The following GPR22 variants were observed in gnomAD, a reference collection of about 807,000 sequenced individuals.
GPR22 encodes G-protein coupled receptor 22.
Under a neutral mutation model 31.0 loss-of-function variants are expected in GPR22, and 13 were observed. That is an observed-to-expected ratio of 0.42 (90% CI 0.27 to 0.67). The LOEUF is 0.67. GPR22 is among the 30% of genes least tolerant of loss of function. The pLI is 0.25. For synonymous variants in GPR22, 191 were observed against 173.4 expected (o/e 1.10, Z -0.80); for missense variants, 368 against 509.6 (o/e 0.72, Z 2.67).
In GPR22 at chr7:107,475,169, C is replaced by G; in HGVS notation, c.1109C>G (p.Thr370Ser). 1 of 1,610,156 alleles carries G rather than the reference C, an allele frequency of 6.2e-7. No individual in the cohort carries two copies. Among genetic ancestry groups the G allele is most frequent in the Non-Finnish European group, 8.5e-7 (1 of 1,177,762 alleles). The change falls in exon 3 of 3, where the codon ACT (threonine) becomes AGT (serine). Residue 370 changes from threonine to serine, a missense_variant. Coordinates refer to ENST00000304402, the MANE Select transcript of GPR22 (RefSeq NM_005295.3). ...TIFHPLLYAF[T>S]RQKFQKVLKS... The stretch of plus-strand genomic sequence containing the variant: ...TTTCACCCTCTATTATATGCATTCA[C>G]TAGACAAAAATTTCAAAAGGTCTTG...
intron 2 of GPR22, 137 bp from the exon 3 acceptor site, chr7:107,473,895 TCTA>T (rs1796806195): frequency 4.1e-6 from 2 of 491,642 alleles, no homozygotes; most frequent in African/African-American, 3.9e-5. Flanking sequence ...GGTTCTTAAT[TCTA>T]CATTTTCTAT....
chr7:107,475,797 A>G (rs1250403717), downstream of GPR22: 1 of 166,558 alleles, frequency 6.0e-6, no homozygotes, highest in African/African-American at 2.4e-5. Context: ...AACCAAAATT[A>G]TGGGCTCAAA....
At position 107,472,304 on chromosome 7, in the gene GPR22, T is replaced by TA. The variant is rs1331096165; in HGVS notation, c.-27+7dup. The TA allele has an allele frequency of 1.3e-5, 2 of 151,940 alleles. No individual in the cohort carries two copies. The highest frequency in any genetic ancestry group is 4.8e-5 in the African/African-American group (2 of 41,400). 9.4% of individuals were successfully genotyped at this position (151,940 alleles called of 1,614,324 possible). ...ACACAGCTACTTCACTGTTGTCAGGTAAAAATTCATGTCAAAATCTGTCAA... is the reference window on the plus strand; with the variant it reads ...ACACAGCTACTTCACTGTTGTCAGGTAAAAAATTCATGTCAAAATCTGTCAA... On this transcript the variant is annotated splice_region_variant and intron_variant, in intron 2 of 2. Coordinates refer to ENST00000304402, the MANE Select transcript of GPR22 (RefSeq NM_005295.3).
chr7:107,474,094 C>A lies in GPR22; in HGVS notation c.34C>A (p.Gln12Lys), dbSNP rs2129111900. 4 of 1,579,978 alleles carry A rather than the reference C, an allele frequency of 2.5e-6. No homozygotes were observed. The East Asian group carries it at 9.0e-5, about 36-fold the overall frequency. ...CFSPILEINM[Q>K]SESNITVRDD... Reference sequence around the variant, plus strand: ...TTCTCCCATTCTGGAAATCAACATGCAGTCTGAATCTAACATTACAGTGCG... The same window carrying A: ...TTCTCCCATTCTGGAAATCAACATGAAGTCTGAATCTAACATTACAGTGCG... The change falls in exon 3 of 3, where the codon CAG (glutamine) becomes AAG (lysine). Residue 12 changes from glutamine (Q) to lysine (K), a missense_variant. Gln to Lys is a moderately conservative substitution (Grantham distance 53). Transcript: ENST00000304402. This position sits in a 1 kb window ranked among gnomAD's most constrained non-coding sequence, Gnocchi z 5.7.
At chr7:107,477,029 T>A (rs1256907369), downstream of GPR22, among the ~76,000 whole-genome samples, 1 of 151,636 alleles carries the variant, frequency 6.6e-6, no homozygotes, top group African/African-American at 2.4e-5. Context: ...TTTTCTACTG[T>A]TTTTTGGAAT....
At position 107,471,972 on chromosome 7, in the gene GPR22, T is replaced by C. The variant is rs1004165862; in HGVS notation, c.-357T>C. ...CATTTCAAAATAGTGAGCACTGCTA[T>C]TAAAAACAGATTTACAATGGTAACA... On this transcript the variant is annotated 5_prime_UTR_variant, in exon 2 of 3. Coordinates refer to ENST00000304402, the MANE Select transcript of GPR22 (RefSeq NM_005295.3). 2 of 152,048 alleles carry C rather than the reference T, an allele frequency of 1.3e-5. No homozygotes were observed. Among genetic ancestry groups the C allele is most frequent in the Non-Finnish European group, 1.5e-5 (1 of 67,926 alleles). 9.4% of individuals were successfully genotyped at this position (152,048 alleles called of 1,614,324 possible). A position where few individuals can be genotyped will look rare whatever the true frequency, so the allele number is the denominator to read the frequency against.
At chr7:107,470,555 T>A (rs967494636) in intron 1 of GPR22, 110 bp downstream of exon 1, 1 of 152,184 alleles carries the variant, frequency 6.6e-6, no homozygotes, top group Admixed American at 6.6e-5. Flanking sequence ...TTAATTCTAC[T>A]TATTGCTAGA....
Position 107,471,358 on chromosome 7 carries a change from C to A in GPR22, c.-957-14C>A, listed in dbSNP as rs1584866803. The A allele has an allele frequency of 6.6e-6, 1 of 152,098 alleles. No individual in the cohort carries two copies. Among genetic ancestry groups the A allele is most frequent in the East Asian group, 1.9e-4 (1 of 5,188 alleles). The allele number at this position is 152,098 out of a possible 1,614,324, so 9.4% of individuals were successfully genotyped here. Reference sequence around the variant, plus strand: ...AAAACCCTATTTCTTAACCAATTTTCTTCTTTTCACAAGGGCCAATAGCAG... The same window carrying A: ...AAAACCCTATTTCTTAACCAATTTTATTCTTTTCACAAGGGCCAATAGCAG... On this transcript the variant is annotated splice_polypyrimidine_tract_variant and intron_variant, in intron 1 of 2. Coordinates refer to ENST00000304402, the MANE Select transcript of GPR22 (RefSeq NM_005295.3).
At position 107,475,117 on chromosome 7, in the gene GPR22, T is replaced by C; in HGVS notation, c.1057T>C (p.Leu353=). ...DLLVKLRLCF[L]VMAYGTTIFH... Reference sequence around the variant, plus strand: ...TTTAGTAAAATTAAGATTGTGTTTTTTAGTCATGGCTTATGGAACAACTAT... The same window carrying C: ...TTTAGTAAAATTAAGATTGTGTTTTCTAGTCATGGCTTATGGAACAACTAT... Residue 353 remains leucine, a synonymous_variant, in exon 3 of 3, where the codon TTA becomes CTA. Coordinates refer to ENST00000304402, the MANE Select transcript of GPR22 (RefSeq NM_005295.3). The C allele has an allele frequency of 6.2e-7, 1 of 1,612,054 alleles. No homozygotes were observed. The highest frequency in any genetic ancestry group is 8.5e-7 in the Non-Finnish European group (1 of 1,178,686).
At chr7:107,476,315 G>T (rs914056486), downstream of GPR22, among the ~76,000 whole-genome samples, 2 of 123,128 alleles carry the variant, frequency 1.6e-5, no homozygotes, top group African/African-American at 6.0e-5. Context: ...AAAAAAAAAA[G>T]ACTTTAAATC....
At chr7:107,473,955 A>ATTTTTTT in intron 2 of GPR22, 80 bp from the exon 3 acceptor site, 4 of 525,378 alleles carry the variant, frequency 7.6e-6, no homozygotes, top group Middle Eastern at 3.9e-4. Context: ...CAATTGAAAG[A>ATTTTTTT]TTTTTTTTCT....
chr7:107,474,100 G>A lies in GPR22; in HGVS notation c.40G>A (p.Glu14Lys). 6.3e-7 allele frequency: 1 copy of A among 1,599,934 alleles called. No individual in the cohort carries two copies. The highest frequency in any genetic ancestry group is 1.1e-5 in the South Asian group (1 of 88,862). The change falls in exon 3 of 3, where the codon GAA (glutamate) becomes AAA (lysine). Residue 14 changes from glutamate to lysine, a missense_variant. By Grantham distance (56) the Glu-to-Lys change is moderately conservative. Transcript: ENST00000304402. This position sits in a 1 kb window ranked among gnomAD's most constrained non-coding sequence, Gnocchi z 5.7. Reference sequence around the variant, plus strand: ...CATTCTGGAAATCAACATGCAGTCTGAATCTAACATTACAGTGCGAGATGA... The same window carrying A: ...CATTCTGGAAATCAACATGCAGTCTAAATCTAACATTACAGTGCGAGATGA... Reference protein sequence around the residue: ...SPILEINMQSESNITVRDDID... With the variant: ...SPILEINMQSKSNITVRDDID...
downstream of GPR22, among the ~76,000 whole-genome samples, chr7:107,476,268 TAGAA>T (rs980757696): frequency 2.3e-4 from 32 of 140,248 alleles, no homozygotes; most frequent in African/African-American, 7.9e-4. Context: ...TTTTGTATAA[TAGAA>T]AGTTAACTAC....
intron 2 of GPR22, chr7:107,472,909 T>C (rs940160737): frequency 6.6e-6 from 1 of 151,920 alleles, no homozygotes; most frequent in Non-Finnish European, 1.5e-5. Context: ...AAAATGAATA[T>C]ACTGATTAAC....
In GPR22 at chr7:107,475,417, G is replaced by T; in HGVS notation, c.*55G>T. 1 of 819,372 alleles carries T rather than the reference G, an allele frequency of 1.2e-6. No individual in the cohort carries two copies. The highest frequency in any genetic ancestry group is 2.2e-5 in the South Asian group (1 of 45,574). The allele number at this position is 819,372 out of a possible 1,614,324, so 50.8% of individuals were successfully genotyped here. ...TTCAAATGAGTTTTAAATTTAAATT[G>T]TAAAAACTGATATTACTGCCAAATA... On this transcript the variant is annotated 3_prime_UTR_variant, in exon 3 of 3. Coordinates refer to ENST00000304402, the MANE Select transcript of GPR22 (RefSeq NM_005295.3).
rs377116061 is a variant in GPR22 at position 107,474,049 on chromosome 7, T to C, written c.-12T>C. 6.9e-7 allele frequency: 1 copy of C among 1,456,790 alleles called. No homozygotes were observed. Among genetic ancestry groups the C allele is most frequent in the African/African-American group, 1.4e-5 (1 of 70,602 alleles). 90.2% of individuals were successfully genotyped at this position (1,456,790 alleles called of 1,614,324 possible). A position where few individuals can be genotyped will look rare whatever the true frequency, so the allele number is the denominator to read the frequency against. On this transcript the variant is annotated 5_prime_UTR_variant, in exon 3 of 3. Coordinates refer to ENST00000304402, the MANE Select transcript of GPR22 (RefSeq NM_005295.3). This position sits in a 1 kb window ranked among gnomAD's most constrained non-coding sequence, Gnocchi z 5.7. Reference sequence around the variant, plus strand: ...TCACTTTCTAGGGAAAAAAACCAACTGCTCCAAAAGAATGTGTTTTTCTCC... The same window carrying C: ...TCACTTTCTAGGGAAAAAAACCAACCGCTCCAAAAGAATGTGTTTTTCTCC...
intron 2 of GPR22, among the ~76,000 whole-genome samples, chr7:107,473,354 G>A (rs1796754122): frequency 6.6e-6 from 1 of 151,864 alleles, no homozygotes; most frequent in African/African-American, 2.4e-5. Flanking sequence ...TTAGCATAAT[G>A]TCCCACTTCT....
chr7:107,476,184 T>TAAAAAAAAAAAA (rs34741713), downstream of GPR22, among the ~76,000 whole-genome samples: 5 of 44,046 alleles, frequency 1.1e-4, 1 homozygote, highest in African/African-American at 3.0e-4. Flanking sequence ...GCAATGATTT[T>TAAAAAAAAAAAA]AAAAAAAAAA....
chr7:107,477,842 G>T (rs541758185), downstream of GPR22, among the ~76,000 whole-genome samples: 1 of 151,774 alleles, frequency 6.6e-6, no homozygotes, highest in Non-Finnish European at 1.5e-5. Flanking sequence ...ATGAAAAGAC[G>T]AAATATTTCT....
Sources: gnomAD v4.1 joint callset for allele counts (sites outside exome capture counted in the v4.1 genomes callset) on GRCh38, gnomAD v4.1.1 for gene constraint, Gnocchi (gnomAD v3.1) non-coding constraint, MANE v1.5 for transcripts, NCBI Gene and HGNC (gene_info 2026-07-23, HGNC 2026-07-21) for gene names.